EOGT: variants seen among roughly 807,000 people sequenced by gnomAD.
The protein encoded by EOGT is EGF domain specific O-linked N-acetylglucosamine transferase, also known as EGF domain-specific O-linked N-acetylglucosamine transferase.
Under a neutral mutation model 70.5 loss-of-function variants are expected in EOGT, and 55 were observed. The observed-to-expected ratio is 0.78, with a 90% CI of 0.63 to 0.98. The LOEUF (loss-of-function observed/expected upper bound fraction) is 0.98. Among genes scored for constraint, EOGT ranks in the 50% least tolerant of loss-of-function variants. The pLI is 0.00. For missense variants in EOGT, 703 were observed against 641.9 expected, an observed-to-expected ratio of 1.10 and a Z score of -1.03; for synonymous variants, 246 against 217.1, an observed-to-expected ratio of 1.13 and a Z score of -1.17.
intron 1 of EOGT, among the ~76,000 whole-genome samples, chr3:69,013,160 G>T (rs772333821): frequency 3.8e-4 from 58 of 152,062 alleles, no homozygotes; most frequent in Non-Finnish European, 7.4e-4. Context: ...CCGCGCTGGG[G>T]TTCCGGACCC....
At chr3:69,013,476 G>C (rs1575796391) in intron 1 of EOGT, 98 bp downstream of exon 1, 2 of 152,490 alleles carry the variant, frequency 1.3e-5, no homozygotes, top group South Asian at 4.1e-4. Flanking sequence ...GGGAAGCCGC[G>C]CCGGGAGCGG....
At chr3:68,997,211 C>G (rs564875378) in intron 10 of EOGT, among the ~76,000 whole-genome samples, 13 of 152,228 alleles carry the variant, frequency 8.5e-5, no homozygotes, top group African/African-American at 3.1e-4. Context: ...TAAGACCTGC[C>G]CTTTACAGTG....
rs769716777 is a variant in EOGT at position 68,986,741 on chromosome 3, T to C, written c.1152+704A>G. The stretch of plus-strand genomic sequence containing the variant: ...TCACTGCCTGACATCACCGTACTTA[T>C]TGACGTTTTCACTTACTTCTTATCT... On this transcript the variant is annotated intron_variant, in intron 14 of 17. Transcript: ENST00000383701. Among the ~76,000 whole-genome samples the C allele has an allele frequency of 1.1e-4, 17 of 152,328 alleles. No individual in the cohort carries two copies. The East Asian group carries it at 1.2e-3, about 10-fold the overall frequency.
chr3:69,008,037 T>G (rs1222146318), intron 5 of EOGT, among the ~76,000 whole-genome samples: 1 of 152,206 alleles, frequency 6.6e-6, no homozygotes, highest in East Asian at 1.9e-4. Flanking sequence ...ATAACAGACA[T>G]GTATGAAGTT....
intron 9 of EOGT, among the ~76,000 whole-genome samples, chr3:68,998,808 G>C (rs1459436534): frequency 7.2e-6 from 1 of 138,610 alleles, no homozygotes; most frequent in Non-Finnish European, 1.5e-5. Context: ...CTGCACTCCA[G>C]TCTGAGCAAC....
intron 10 of EOGT, among the ~76,000 whole-genome samples, chr3:68,991,982 G>T (rs1017834884): frequency 1.3e-5 from 2 of 152,130 alleles, no homozygotes; most frequent in African/African-American, 2.4e-5. Context: ...AATAGCATAG[G>T]AAAGACTGGC....
intron 5 of EOGT, 94 bp from the exon 6 acceptor site, chr3:69,007,915 ATTACT>A (rs2091480379): frequency 2.5e-6 from 2 of 795,974 alleles, no homozygotes; most frequent in East Asian, 2.9e-5. Context: ...GAGGTTCCTT[ATTACT>A]TTAATTTTGT....
At chr3:68,991,730 C>T (rs893564546) in intron 10 of EOGT, among the ~76,000 whole-genome samples, 1 of 152,060 alleles carries the variant, frequency 6.6e-6, no homozygotes, top group Non-Finnish European at 1.5e-5. Context: ...TCACTTGAGG[C>T]CAGGAGTTCA....
At chr3:68,979,854 A>G in intron 15 of EOGT, 67 bp from the exon 16 acceptor site, 2 of 1,490,982 alleles carry the variant, frequency 1.3e-6, no homozygotes, top group Non-Finnish European at 1.8e-6. Flanking sequence ...GAGTTAGTTC[A>G]TGATTCACAG....
At chr3:69,001,185 C>T (rs1453572438) in intron 9 of EOGT, among the ~76,000 whole-genome samples, 1 of 152,028 alleles carries the variant, frequency 6.6e-6, no homozygotes, top group Non-Finnish European at 1.5e-5. Flanking sequence ...GTCTCGATCT[C>T]CTGACCTCGT....
intron 14 of EOGT, among the ~76,000 whole-genome samples, chr3:68,986,148 G>T (rs1397394333): frequency 2.0e-5 from 3 of 152,196 alleles, no homozygotes; most frequent in African/African-American, 7.2e-5. Context: ...CGAGGCAAAA[G>T]TTCTCTAGCA....
intron 15 of EOGT, among the ~76,000 whole-genome samples, chr3:68,981,269 C>A (rs767751273): frequency 6.6e-6 from 1 of 152,198 alleles, no homozygotes; most frequent in South Asian, 2.1e-4. Context: ...CTATGCCATC[C>A]GCCATAATGG....
In EOGT at chr3:68,998,102, T is replaced by C. The variant is rs750684020; in HGVS notation, c.740A>G (p.Tyr247Cys). 1.9e-6 allele frequency: 3 copies of C among 1,581,554 alleles called. No individual in the cohort carries two copies. The highest frequency in any genetic ancestry group is 1.1e-5 in the South Asian group (1 of 87,760). ...ATTGATGAAATCACAGAAGTGGTGA[T>C]ACATGTTAACACCTAGTGTTGGAAA... is the stretch of plus-strand genomic sequence containing the variant. ...FMKLDAGVNM[Y>C]HHFCDFINLY... The change falls in exon 10 of 18, where the codon TAT becomes TGT. Residue 247 changes from tyrosine (Y) to cysteine (C), a missense_variant. Physicochemically the swap from Tyr to Cys is radical, Grantham distance 194. Coordinates refer to ENST00000383701, the MANE Select transcript of EOGT (RefSeq NM_001278689.2).
chr3:68,988,033 G>C (rs1390941432), intron 13 of EOGT, among the ~76,000 whole-genome samples: 1 of 152,198 alleles, frequency 6.6e-6, no homozygotes, highest in African/African-American at 2.4e-5. Context: ...TCATGCCCCA[G>C]CCTCCTGAGT....
intron 8 of EOGT, 53 bp downstream of exon 8, chr3:69,004,325 T>C (rs1234662698): frequency 1.8e-5 from 23 of 1,296,372 alleles, no homozygotes; most frequent in Non-Finnish European, 2.5e-5. Context: ...TATCTGCAAG[T>C]GCCGTAAATA....
chr3:69,006,948 A>AT (rs2091451182), intron 6 of EOGT, among the ~76,000 whole-genome samples: 2 of 152,262 alleles, frequency 1.3e-5, no homozygotes, highest in Admixed American at 1.3e-4. Flanking sequence ...AGTATCTGCT[A>AT]TAACGCTTAT....
intron 3 of EOGT, among the ~76,000 whole-genome samples, chr3:69,010,909 C>T (rs554429964): frequency 3.3e-5 from 5 of 152,254 alleles, no homozygotes; most frequent in South Asian, 2.1e-4. Flanking sequence ...GGTGCAGTCA[C>T]GAACTAAACT....
intron 8 of EOGT, among the ~76,000 whole-genome samples, chr3:69,003,423 C>T (rs538329043): frequency 3.9e-5 from 6 of 152,012 alleles, no homozygotes; most frequent in African/African-American, 7.2e-5. Flanking sequence ...GTTTTTCCTG[C>T]GCTGTTCTCA....
At chr3:68,979,277 T>C (rs2090563679) in intron 16 of EOGT, among the ~76,000 whole-genome samples, 1 of 152,196 alleles carries the variant, frequency 6.6e-6, no homozygotes, top group Non-Finnish European at 1.5e-5. Context: ...AAGCACTAAG[T>C]TAAGTGGTTG....
Sources: gnomAD v4.1 joint callset for allele counts (sites outside exome capture counted in the v4.1 genomes callset) on GRCh38, gnomAD v4.1.1 for gene constraint, MANE v1.5 for transcripts, NCBI Gene and HGNC (gene_info 2026-07-23, HGNC 2026-07-21) for gene names.